Variants in MEF2C observed in about 807,000 individuals in gnomAD.
MEF2C encodes the protein myocyte-specific enhancer factor 2C.
In MEF2C, 6 loss-of-function variants were observed where a neutral mutation model predicts 50.5. The observed-to-expected ratio is 0.12, with a 90% confidence interval of 0.07 to 0.23. MEF2C has a LOEUF of 0.23. Ranked by LOEUF, MEF2C falls within the 10% of genes least tolerant of loss-of-function variation. MEF2C has a pLI of 1.00. For missense variants in MEF2C, 276 were observed against 605.0 expected (o/e 0.46, Z 5.70); for synonymous variants, 183 against 228.0 (o/e 0.80, Z 1.78).
At chr5:88,742,599 A>T in intron 6 of MEF2C, 1 of 983,810 alleles carries the variant, frequency 1.0e-6, no homozygotes, top group Non-Finnish European at 1.2e-6. Context: ...CTCTCTAGGA[A>T]GTTATAACCT....
At chr5:88,731,065 A>G (rs1351724574) in intron 7 of MEF2C, among the ~76,000 whole-genome samples, 1 of 152,098 alleles carries the variant, frequency 6.6e-6, no homozygotes, top group Non-Finnish European at 1.5e-5. Flanking sequence ...TCTATTTAAA[A>G]TTTCTTATTT....
In MEF2C at chr5:88,860,957, CTATT is replaced by C. The variant is rs769009270; in HGVS notation, c.-143+21994_-143+21997del. On this transcript the variant is annotated intron_variant, in intron 1 of 10. Coordinates refer to ENST00000504921, the MANE Select transcript of MEF2C (RefSeq NM_002397.5). Reference sequence around the variant, plus strand: ...CCTCATGCCAAATATTTTAGGGAGTCTATTTATAAAGTTCATCACTTCCCCTGTT... The same window carrying C: ...CCTCATGCCAAATATTTTAGGGAGTCTATAAAGTTCATCACTTCCCCTGTT... Among the ~76,000 whole-genome samples, 6 of 152,236 alleles carry C rather than the reference CTATT, an allele frequency of 3.9e-5. No individual in the cohort carries two copies. In the South Asian group the frequency reaches 1.2e-3, roughly 32 times the overall value.
chr5:88,800,357 T>C (rs1323778152), intron 3 of MEF2C, among the ~76,000 whole-genome samples: 4 of 152,244 alleles, frequency 2.6e-5, no homozygotes, highest in African/African-American at 4.8e-5. Flanking sequence ...AATGAGGTTA[T>C]TGTTCCTTTG....
At chr5:88,898,000 T>C (rs1835288958) in intron 1 of MEF2C, among the ~76,000 whole-genome samples, 1 of 152,126 alleles carries the variant, frequency 6.6e-6, no homozygotes, top group South Asian at 2.1e-4. Flanking sequence ...GCTCCTCAGG[T>C]GGTTCTTCCA....
In MEF2C at chr5:88,747,371, C is replaced by T. The variant is rs1337223097; in HGVS notation, c.637+1699G>A. Among the ~76,000 whole-genome samples the T allele has an allele frequency of 5.4e-4, 3 of 5,566 alleles. 1 individual carries two copies. Among genetic ancestry groups the T allele is most frequent in the Non-Finnish European group, 1.7e-3 (3 of 1,746 alleles). 3.7% of individuals were successfully genotyped at this position (5,566 alleles called of 152,430 possible). A position where few individuals can be genotyped will look rare whatever the true frequency, so the allele number is the denominator to read the frequency against. ...TTTTTTTTTTTTTTTTTTTTTGAGA[C>T]GGAGTCTCGCTCTGTCGCCCAGGCT... On this transcript the variant is annotated intron_variant, in intron 6 of 10. Coordinates refer to ENST00000504921, the MANE Select transcript of MEF2C (RefSeq NM_002397.5).
intron 4 of MEF2C, among the ~76,000 whole-genome samples, chr5:88,755,502 G>C (rs1189954279): frequency 6.6e-6 from 1 of 152,260 alleles, no homozygotes; most frequent in South Asian, 2.1e-4. Flanking sequence ...GATATTAGCA[G>C]TTTATTATCT....
rs529527427 is a variant in MEF2C, at chr5:88,780,584, A to G, written c.259-19256T>C. ...TTAGAGTGTTCCTGGCTCATTTCCA[A>G]GAGTATGTATCCTCACTGCCATGAA... On this transcript the variant is annotated intron_variant, in intron 3 of 10. Coordinates refer to ENST00000504921, the MANE Select transcript of MEF2C (RefSeq NM_002397.5). Among the ~76,000 whole-genome samples the G allele has an allele frequency of 4.6e-5, 7 of 152,320 alleles. No homozygotes were observed. In the East Asian group the frequency reaches 1.3e-3, roughly 29 times the overall value.
intron 2 of MEF2C, among the ~76,000 whole-genome samples, chr5:88,811,126 A>G (rs1802603088): frequency 1.3e-5 from 2 of 152,142 alleles, no homozygotes; most frequent in African/African-American, 2.4e-5. Context: ...CATTTTAAGA[A>G]AGCACTGACA....
intron 1 of MEF2C, among the ~76,000 whole-genome samples, chr5:88,850,267 C>T (rs1820841974): frequency 6.6e-6 from 1 of 152,126 alleles, no homozygotes; most frequent in African/African-American, 2.4e-5. Flanking sequence ...TGTTTTGTGT[C>T]ATGCACTATT....
chr5:88,837,746 A>G (rs1375227274), intron 1 of MEF2C, among the ~76,000 whole-genome samples: 1 of 152,242 alleles, frequency 6.6e-6, no homozygotes, highest in South Asian at 2.1e-4. Flanking sequence ...GTTTTCTTCC[A>G]TATTTTAAAA....
At chr5:88,792,943 CTGTT>C (rs1314833779) in intron 3 of MEF2C, among the ~76,000 whole-genome samples, 4 of 152,094 alleles carry the variant, frequency 2.6e-5, no homozygotes, top group African/African-American at 7.2e-5. Context: ...TCTGTCTTTC[CTGTT>C]TGTTTATTCT....
At position 88,814,986 on chromosome 5, in the gene MEF2C, A is replaced by G. The variant is rs1156317888; in HGVS notation, c.54+8749T>C. On this transcript the variant is annotated intron_variant, in intron 2 of 10. Coordinates refer to ENST00000504921, the MANE Select transcript of MEF2C (RefSeq NM_002397.5). Reference sequence around the variant, plus strand: ...TAACACAGCAGGCTTCACATTTTTTATATGGGCTGCTCAAGTCTGCCTGGT... The same window carrying G: ...TAACACAGCAGGCTTCACATTTTTTGTATGGGCTGCTCAAGTCTGCCTGGT... Among the ~76,000 whole-genome samples the G allele has an allele frequency of 2.0e-5, 3 of 152,056 alleles. No individual in the cohort carries two copies. In the East Asian group the frequency reaches 5.8e-4, roughly 29 times the overall value.
intron 1 of MEF2C, among the ~76,000 whole-genome samples, chr5:88,829,973 A>AAAGT (rs1812406722): frequency 6.6e-6 from 1 of 152,014 alleles, no homozygotes; most frequent in Non-Finnish European, 1.5e-5. Flanking sequence ...TTGAAGGCAT[A>AAAGT]AAGTGAAAGT....
intron 2 of MEF2C, among the ~76,000 whole-genome samples, chr5:88,814,124 C>T (rs1562185628): frequency 6.6e-6 from 1 of 152,116 alleles, no homozygotes; most frequent in African/African-American, 2.4e-5. Flanking sequence ...CAACGACAAT[C>T]TTTAATTGGG....
chr5:88,857,117 C>T (rs1156989610), intron 1 of MEF2C, among the ~76,000 whole-genome samples: 3 of 152,218 alleles, frequency 2.0e-5, no homozygotes, highest in Non-Finnish European at 4.4e-5. Context: ...CATGGGAGCC[C>T]ACCTTTTGCA....
intron 3 of MEF2C, among the ~76,000 whole-genome samples, chr5:88,799,176 T>A (rs983429370): frequency 6.6e-6 from 1 of 152,214 alleles, no homozygotes; most frequent in Non-Finnish European, 1.5e-5. Flanking sequence ...AGTACTGTGC[T>A]GGGAGATCCG....
At chr5:88,880,672 T>A (rs1051396173) in intron 1 of MEF2C, among the ~76,000 whole-genome samples, 1 of 151,950 alleles carries the variant, frequency 6.6e-6, no homozygotes, top group Non-Finnish European at 1.5e-5. Flanking sequence ...AAGGAAAAAA[T>A]TTCAGGTATC....
chr5:88,742,448 G>C (rs1281778298), intron 6 of MEF2C: 1 of 980,592 alleles, frequency 1.0e-6, no homozygotes, highest in East Asian at 1.1e-4. Flanking sequence ...CACACTATTA[G>C]GTTAAATCAA....
intron 3 of MEF2C, chr5:88,771,521 T>A (rs370603269): frequency 1.0e-6 from 1 of 985,424 alleles, no homozygotes; most frequent in East Asian, 1.1e-4. Flanking sequence ...TATGTTATAC[T>A]GTAATTTATT....
Sources: gnomAD v4.1 joint callset for allele counts (sites outside exome capture counted in the v4.1 genomes callset) on GRCh38, gnomAD v4.1.1 for gene constraint, MANE v1.5 for transcripts, NCBI Gene and HGNC (gene_info 2026-07-23, HGNC 2026-07-21) for gene names.